The following TMEM135 variants were observed in gnomAD, a reference collection of about 807,000 sequenced individuals.
TMEM135 encodes peroxisomal membrane protein 52.
TMEM135 carries 30 observed loss-of-function variants against 60.3 expected under a neutral mutation model. The ratio of observed to expected loss-of-function variants is 0.50; its 90% CI spans 0.37 to 0.68. The LOEUF (loss-of-function observed/expected upper bound fraction) is 0.68. Ranked by LOEUF, TMEM135 falls within the 30% of genes least tolerant of loss-of-function variation. TMEM135 has a pLI of 0.00. For missense variants in TMEM135, 468 were observed against 548.8 expected (o/e 0.85, Z 1.47); for synonymous variants, 190 against 186.7 (o/e 1.02, Z -0.14).
chr11:87,080,903 C>G (rs1856977391), intron 3 of TMEM135, among the ~76,000 whole-genome samples: 1 of 152,048 alleles, frequency 6.6e-6, no homozygotes. Context: ...CCAGGCTGGT[C>G]TCAAACTCCT....
chr11:87,303,797 A>G (rs1438538947), intron 8 of TMEM135, among the ~76,000 whole-genome samples: 1 of 152,208 alleles, frequency 6.6e-6, no homozygotes, highest in Non-Finnish European at 1.5e-5. Flanking sequence ...GGGAGAAAGG[A>G]CCCTATTAAT....
At chr11:87,253,437 G>T (rs1256281327) in intron 6 of TMEM135, among the ~76,000 whole-genome samples, 1 of 151,836 alleles carries the variant, frequency 6.6e-6, no homozygotes, top group African/African-American at 2.4e-5. Context: ...TATTTTGTTT[G>T]TGATTTTTCA....
intron 4 of TMEM135, among the ~76,000 whole-genome samples, chr11:87,119,043 T>G (rs1409694252): frequency 6.6e-6 from 1 of 152,264 alleles, no homozygotes; most frequent in African/African-American, 2.4e-5. Context: ...ATAGCACTTT[T>G]AATTTCCTTT....
At position 87,302,383 on chromosome 11, in the gene TMEM135, T is replaced by A. The variant is rs1313146138; in HGVS notation, c.639T>A (p.His213Gln). 1 of 1,613,906 alleles carries A rather than the reference T, an allele frequency of 6.2e-7. No homozygotes were observed. Among genetic ancestry groups the A allele is most frequent in the Admixed American group, 1.7e-5 (1 of 60,020 alleles). The change falls in exon 8 of 15, where the codon CAT becomes CAA. Residue 213 changes from histidine (H) to glutamine (Q), a missense_variant. Physicochemically the swap from His to Gln is conservative, Grantham distance 24 (BLOSUM62 0). Transcript: ENST00000305494. Reference sequence around the variant, plus strand: ...AAGTGGAACAAAAGAGAGAGCAACATGAGGAAAAACCCGGAAGAATGAATA... The same window carrying A: ...AAGTGGAACAAAAGAGAGAGCAACAAGAGGAAAAACCCGGAAGAATGAATA... ...YAKVEQKREQ[H>Q]EEKPGRMNMI... is the part of the protein sequence containing the mutation.
chr11:87,290,754 C>A (rs1365007753), intron 6 of TMEM135, among the ~76,000 whole-genome samples: 1 of 152,060 alleles, frequency 6.6e-6, no homozygotes, highest in Non-Finnish European at 1.5e-5. Flanking sequence ...CAACATATTT[C>A]TTTTCCTCCA....
intron 1 of TMEM135, among the ~76,000 whole-genome samples, chr11:87,064,943 A>G (rs1424069995): frequency 6.6e-6 from 1 of 151,260 alleles, no homozygotes; most frequent in Admixed American, 6.6e-5. Context: ...ATGTAGCTTT[A>G]GGATTAGCTT....
At chr11:87,059,573 C>T (rs1292116418) in intron 1 of TMEM135, among the ~76,000 whole-genome samples, 4 of 152,118 alleles carry the variant, frequency 2.6e-5, no homozygotes, top group East Asian at 3.9e-4. Flanking sequence ...GCCTCAGCCT[C>T]CCAAAGTTCT....
intron 4 of TMEM135, among the ~76,000 whole-genome samples, chr11:87,134,495 T>C (rs1938036043): frequency 6.6e-6 from 1 of 152,166 alleles, no homozygotes; most frequent in Non-Finnish European, 1.5e-5. Flanking sequence ...TTTAGTTTTG[T>C]TTTTAGAGAC....
rs779228395 is a variant in TMEM135 at position 87,309,617 on chromosome 11, A to G, written c.881A>G (p.Asn294Ser). ...QPSRLLSLFY[N>S]KENFQLGAFL... Reference sequence around the variant, plus strand: ...TCTCGGCTACTTTCTCTCTTCTACAATAAAGAAAACTTCCAGCTTGGAGCT... The same window carrying G: ...TCTCGGCTACTTTCTCTCTTCTACAGTAAAGAAAACTTCCAGCTTGGAGCT... The change falls in exon 10 of 15, where the codon AAT becomes AGT. Residue 294 changes from asparagine (N) to serine (S), a missense_variant. Coordinates refer to ENST00000305494, the MANE Select transcript of TMEM135 (RefSeq NM_022918.4). The G allele has an allele frequency of 3.7e-6, 6 of 1,613,894 alleles. No homozygotes were observed. The highest frequency in any genetic ancestry group is 1.3e-5 in the African/African-American group (1 of 75,042).
At chr11:87,253,601 C>T (rs1234985271) in intron 6 of TMEM135, among the ~76,000 whole-genome samples, 1 of 37,728 alleles carries the variant, frequency 2.7e-5, no homozygotes, top group African/African-American at 1.1e-4. Flanking sequence ...CTTTGTCAAT[C>T]AAGATTGTTG....
intron 13 of TMEM135, 93 bp downstream of exon 13, chr11:87,318,328 C>G: frequency 1.1e-6 from 1 of 928,502 alleles, no homozygotes; most frequent in Admixed American, 1.8e-5. Flanking sequence ...GGGAACATTT[C>G]TATTTACAGT....
chr11:87,210,701 G>A (rs946811779), intron 5 of TMEM135, among the ~76,000 whole-genome samples: 2 of 152,014 alleles, frequency 1.3e-5, no homozygotes, highest in African/African-American at 4.8e-5. Context: ...AACAAAAAAG[G>A]AAAACTTAAG....
chr11:87,104,145 A>G (rs1857534563), intron 4 of TMEM135, among the ~76,000 whole-genome samples: 1 of 152,128 alleles, frequency 6.6e-6, no homozygotes, highest in African/African-American at 2.4e-5. Flanking sequence ...ATTCTTTTGC[A>G]AGTAGATATC....
intron 10 of TMEM135, among the ~76,000 whole-genome samples, chr11:87,311,870 G>T (rs1942645887): frequency 6.6e-6 from 1 of 151,708 alleles, no homozygotes; most frequent in Non-Finnish European, 1.5e-5. Context: ...AATATTCATT[G>T]TTTTATAGTC....
At chr11:87,269,307 C>T (rs1196443953) in intron 6 of TMEM135, among the ~76,000 whole-genome samples, 7 of 121,058 alleles carry the variant, frequency 5.8e-5, no homozygotes, top group Admixed American at 8.4e-5. Flanking sequence ...TATGAGGAAG[C>T]TTTTTTTTTT....
chr11:87,169,314 ATTG>A (rs1177550598), intron 5 of TMEM135, among the ~76,000 whole-genome samples: 3 of 149,898 alleles, frequency 2.0e-5, no homozygotes, highest in African/African-American at 7.4e-5. Context: ...TAAGGTTAAT[ATTG>A]TTATGTGTGA....
chr11:87,096,100 C>A, intron 4 of TMEM135: 1 of 179,600 alleles, frequency 5.6e-6, no homozygotes, highest in South Asian at 6.1e-5. Context: ...CACATGGTGT[C>A]TCCTTCACCA....
At chr11:87,166,860 A>G (rs182169417) in intron 5 of TMEM135, among the ~76,000 whole-genome samples, 1 of 152,184 alleles carries the variant, frequency 6.6e-6, no homozygotes, top group Admixed American at 6.5e-5. Context: ...TGGTAGCTTG[A>G]TGGGGATAGC....
At chr11:87,109,440 C>G (rs1309652112) in intron 4 of TMEM135, among the ~76,000 whole-genome samples, 2 of 152,178 alleles carry the variant, frequency 1.3e-5, no homozygotes, top group African/African-American at 4.8e-5. Context: ...TGTGGTATCT[C>G]TGTGTCTCTG....
Sources: allele counts gnomAD v4.1 joint callset (sites outside exome capture counted in the v4.1 genomes callset), GRCh38; gene constraint gnomAD v4.1.1; transcripts MANE v1.5; gene names NCBI Gene and HGNC (gene_info 2026-07-23, HGNC 2026-07-21).